The following ANK3 variants were observed in gnomAD, a reference collection of about 807,000 sequenced individuals.
ANK3 encodes the protein ankyrin 3, also known as ankyrin-3.
In ANK3, 57 loss-of-function variants were observed where a neutral mutation model predicts 370.9. The observed-to-expected ratio is 0.15, with a 90% CI of 0.12 to 0.19. The LOEUF is 0.19. ANK3 is among the 10% of genes least tolerant of loss of function. The pLI, the probability that ANK3 is intolerant of heterozygous loss-of-function variation, is 1.00. For synonymous variants in ANK3, 1,929 were observed against 1,946.3 expected, an observed-to-expected ratio of 0.99 and a Z score of 0.23; for missense variants, 4,439 against 5,302.1, an observed-to-expected ratio of 0.84 and a Z score of 5.06.
intron 23 of ANK3, among the ~76,000 whole-genome samples, chr10:60,160,951 C>T (rs750502073): frequency 5.9e-5 from 9 of 152,134 alleles, no homozygotes; most frequent in Non-Finnish European, 1.2e-4. Context: ...TGGGGAAAAA[C>T]TGAAAGCCTT....
upstream of ANK3, among the ~76,000 whole-genome samples, chr10:60,394,742 G>A (rs1312685347): frequency 6.6e-6 from 1 of 152,212 alleles, no homozygotes; most frequent in Non-Finnish European, 1.5e-5. Flanking sequence ...TGCAAAGCAG[G>A]CACCAAGAGA....
At chr10:60,395,648 CTCTT>C (rs1209686840) in intron 2 of ANK3, among the ~76,000 whole-genome samples, 14 of 102,232 alleles carry the variant, frequency 1.4e-4, no homozygotes, top group East Asian at 7.8e-4. Context: ...CTCTCTCTCT[CTCTT>C]TCTTTCTTTC....
chr10:60,043,082 G>T, intron 42 of ANK3: 3 of 1,061,646 alleles, frequency 2.8e-6, no homozygotes, highest in Non-Finnish European at 3.4e-6. Flanking sequence ...TCACAAGGCA[G>T]CAGAATTGTA....
chr10:60,637,471 T>C lies in ANK3; in HGVS notation c.58-22247A>G, dbSNP rs137961948. 5.3e-5 allele frequency among the ~76,000 whole-genome samples: 8 copies of C among 152,332 alleles called. No homozygotes were observed. The East Asian group carries it at 1.5e-3, about 29-fold the overall frequency. ...TGGTACAATCTTTCTAGAAAGTATT[T>C]AGCAATATATTTGTAGTATCTTACT... On this transcript the variant is annotated intron_variant, in intron 1 of 43. Coordinates refer to the ANK3 transcript ENST00000373827.
intron 2 of ANK3, among the ~76,000 whole-genome samples, chr10:60,595,560 AT>A (rs1183886224): frequency 2.6e-5 from 4 of 152,132 alleles, no homozygotes; most frequent in African/African-American, 9.7e-5. Flanking sequence ...TAATAATGTT[AT>A]CTATAAGAGC....
In ANK3 at chr10:60,071,126, A is replaced by G; in HGVS notation, c.9755T>C (p.Ile3252Thr). The G allele has an allele frequency of 1.2e-6, 2 of 1,614,104 alleles. No homozygotes were observed. Among genetic ancestry groups the G allele is most frequent in the Admixed American group, 1.7e-5 (1 of 60,014 alleles). ...QRPKNNRVAY[I>T]EFPPPPPLDA... ...CAGTGGTGGAGGAGGGGGAAATTCA[A>G]TATAGGCAACTCTGTTATTTTTGGG... The change falls in exon 37 of 44, where the codon ATT becomes ACT. Residue 3252 changes from isoleucine (I) to threonine (T), a missense_variant. By Grantham distance (89) the Ile-to-Thr change is moderately conservative. Coordinates refer to ENST00000280772, the MANE Select transcript of ANK3 (RefSeq NM_020987.5).
chr10:60,466,317 AT>A (rs1299947272), intron 2 of ANK3, among the ~76,000 whole-genome samples: 2 of 152,162 alleles, frequency 1.3e-5, no homozygotes, highest in African/African-American at 4.8e-5. Context: ...GGTGTTTCTA[AT>A]AATGACAAGG....
intron 25 of ANK3, among the ~76,000 whole-genome samples, chr10:60,126,701 G>A (rs200536921): frequency 9.4e-4 from 139 of 148,086 alleles, no homozygotes; most frequent in African/African-American, 3.3e-3. Context: ...AAAAAAAAAA[G>A]AAAAGAAAAA....
chr10:60,201,001 C>T (rs1236063294), intron 12 of ANK3, among the ~76,000 whole-genome samples: 2 of 152,206 alleles, frequency 1.3e-5, no homozygotes, highest in Non-Finnish European at 2.9e-5. Flanking sequence ...AACAGATACA[C>T]TGAAATGGAC....
intron 1 of ANK3, among the ~76,000 whole-genome samples, chr10:60,349,893 T>C (rs2056505409): frequency 6.6e-6 from 1 of 152,090 alleles, no homozygotes; most frequent in East Asian, 1.9e-4. Context: ...GACAAGAAAA[T>C]AGCAGGGAAA....
intron 23 of ANK3, chr10:60,139,686 C>T (rs1180208932): frequency 6.5e-6 from 1 of 152,988 alleles, no homozygotes; most frequent in Non-Finnish European, 1.5e-5. Context: ...GCCCAACTGT[C>T]CCAATGCTTG....
At chr10:60,067,449 T>A (rs1330286984) in intron 38 of ANK3, among the ~76,000 whole-genome samples, 1 of 152,194 alleles carries the variant, frequency 6.6e-6, no homozygotes, top group Admixed American at 6.5e-5. Flanking sequence ...GAGTTTTATG[T>A]GTATATCGTA....
chr10:60,515,883 T>C (rs2076206172), intron 2 of ANK3, among the ~76,000 whole-genome samples: 1 of 152,168 alleles, frequency 6.6e-6, no homozygotes, highest in Admixed American at 6.5e-5. Flanking sequence ...GAACCAACTA[T>C]GTACCAGGCC....
chr10:60,546,125 T>G (rs1023572001), intron 2 of ANK3, among the ~76,000 whole-genome samples: 15 of 152,142 alleles, frequency 9.9e-5, no homozygotes, highest in African/African-American at 3.4e-4. Flanking sequence ...GGCCTCAAAT[T>G]CCTGGGCTCA....
At chr10:60,394,274 CT>C (rs2063170076), upstream of ANK3, among the ~76,000 whole-genome samples, 1 of 151,336 alleles carries the variant, frequency 6.6e-6, no homozygotes, top group African/African-American at 2.4e-5. Context: ...AAAAACACAC[CT>C]GGAAAATTTT....
At chr10:60,632,913 A>C (rs77612129) in intron 1 of ANK3, among the ~76,000 whole-genome samples, 19 of 150,860 alleles carry the variant, frequency 1.3e-4, no homozygotes, top group African/African-American at 2.2e-4. Flanking sequence ...CAAAAAAAAA[A>C]CCATACTTAT....
chr10:60,226,539 T>C lies in ANK3; in HGVS notation c.897+8149A>G, dbSNP rs1326332500. On this transcript the variant is annotated intron_variant, in intron 8 of 43. Transcript: ENST00000280772. ...GTATATATACTATAGTATATATACA[T>C]AGTATATATACTATAGTATATATAC... Among the ~76,000 whole-genome samples the C allele has an allele frequency of 4.8e-5, 2 of 41,544 alleles. 1 individual carries two copies. Among genetic ancestry groups the C allele is most frequent in the Non-Finnish European group, 7.9e-5 (2 of 25,422 alleles). The allele number at this position is 41,544 out of a possible 152,430, so 27.3% of individuals were successfully genotyped here.
At chr10:60,684,934 C>T in intron 1 of ANK3, 2 of 1,518,328 alleles carry the variant, frequency 1.3e-6, no homozygotes, top group South Asian at 2.2e-5. Context: ...CTCATTATCT[C>T]TTTCAGGAAT....
intron 1 of ANK3, among the ~76,000 whole-genome samples, chr10:60,343,727 G>C (rs997568445): frequency 6.6e-6 from 1 of 152,192 alleles, no homozygotes; most frequent in Non-Finnish European, 1.5e-5. Flanking sequence ...GAGAGGTGAT[G>C]ACAGCGAGAA....
Sources: gnomAD v4.1 joint callset for allele counts (sites outside exome capture counted in the v4.1 genomes callset) on GRCh38, gnomAD v4.1.1 for gene constraint, MANE v1.5 for transcripts, NCBI Gene and HGNC (gene_info 2026-07-23, HGNC 2026-07-21) for gene names.